Variants in FHIT observed in about 807,000 individuals in gnomAD.
The protein encoded by FHIT is bis(5'-adenosyl)-triphosphatase.
In FHIT, 19 loss-of-function variants were observed where a neutral mutation model predicts 17.9. The observed-to-expected ratio is 1.06, with a 90% CI of 0.74 to 1.56. FHIT has a LOEUF of 1.56. Ranked by LOEUF, FHIT falls within the 40% of genes most tolerant of loss-of-function variation. The probability of loss-of-function intolerance (pLI) is 0.00; values close to 1 mark genes in which losing one functional copy is unlikely to be tolerated. For synonymous variants in FHIT, 81 were observed against 69.7 expected (o/e 1.16, Z -0.81); for missense variants, 248 against 189.2 (o/e 1.31, Z -1.82).
In FHIT at chr3:60,333,597, T is replaced by G. The variant is rs1015000759; in HGVS notation, c.103+203263A>C. Reference sequence around the variant, plus strand: ...TATAATTAAGAAAAAAACATAATATTGCATGTCATATATATACTTACTTTC... The same window carrying G: ...TATAATTAAGAAAAAAACATAATATGGCATGTCATATATATACTTACTTTC... On this transcript the variant is annotated intron_variant, in intron 5 of 9. Transcript: ENST00000492590. Among the ~76,000 whole-genome samples the G allele has an allele frequency of 1.1e-4, 16 of 152,298 alleles. No individual in the cohort carries two copies. In the East Asian group the frequency reaches 1.2e-3, roughly 11 times the overall value.
chr3:60,632,531 G>A (rs2039473221), intron 4 of FHIT, among the ~76,000 whole-genome samples: 1 of 152,162 alleles, frequency 6.6e-6, no homozygotes, highest in African/African-American at 2.4e-5. Context: ...ACGTAAAGAG[G>A]TGACAAAGGC....
At chr3:60,415,925 T>C (rs905569412) in intron 5 of FHIT, among the ~76,000 whole-genome samples, 3 of 148,210 alleles carry the variant, frequency 2.0e-5, no homozygotes, top group Non-Finnish European at 3.0e-5. Flanking sequence ...ACATATTAAT[T>C]CCATTAATTA....
intron 4 of FHIT, among the ~76,000 whole-genome samples, chr3:60,658,777 A>G (rs528673071): frequency 6.2e-4 from 95 of 152,206 alleles, no homozygotes; most frequent in Non-Finnish European, 1.0e-4. Flanking sequence ...TAGAAAAAAA[A>G]TGGAGTTAAC....
At chr3:61,106,355 A>G (rs1191063589) in intron 2 of FHIT, among the ~76,000 whole-genome samples, 4 of 152,140 alleles carry the variant, frequency 2.6e-5, no homozygotes, top group East Asian at 1.9e-4. Flanking sequence ...CAAGTGTACA[A>G]TGCATTATTA....
chr3:60,517,215 TATTTC>T (rs1212380054), intron 5 of FHIT, among the ~76,000 whole-genome samples: 2 of 152,228 alleles, frequency 1.3e-5, no homozygotes, highest in African/African-American at 4.8e-5. Context: ...AATTTTTATC[TATTTC>T]ATTTTTAAAA....
chr3:60,662,662 G>C (rs1318566747), intron 4 of FHIT, among the ~76,000 whole-genome samples: 1 of 152,012 alleles, frequency 6.6e-6, no homozygotes, highest in South Asian at 2.1e-4. Flanking sequence ...TCACAATATT[G>C]ATTCTATCCA....
At chr3:60,417,712 CCTGA>C (rs1256392988) in intron 5 of FHIT, among the ~76,000 whole-genome samples, 3 of 152,132 alleles carry the variant, frequency 2.0e-5, no homozygotes, top group African/African-American at 7.2e-5. Context: ...TCAGCATTAG[CCTGA>C]CTAACCAGAT....
At chr3:60,149,786 C>G (rs558052968) in intron 5 of FHIT, among the ~76,000 whole-genome samples, 12 of 151,432 alleles carry the variant, frequency 7.9e-5, no homozygotes, top group Non-Finnish European at 1.3e-4. Context: ...CCCCTACCCC[C>G]CTACCCCCCT....
chr3:60,223,422 C>A (rs1261101472), intron 5 of FHIT, among the ~76,000 whole-genome samples: 1 of 152,154 alleles, frequency 6.6e-6, no homozygotes, highest in South Asian at 2.1e-4. Context: ...CTTTGCAACA[C>A]GTAAGCGATC....
intron 5 of FHIT, among the ~76,000 whole-genome samples, chr3:60,429,301 A>T (rs1293029729): frequency 6.6e-6 from 1 of 152,114 alleles, no homozygotes; most frequent in Admixed American, 6.6e-5. Context: ...GAAATAAAAA[A>T]AAGTCCTAGA....
At chr3:60,417,470 T>A (rs1227458559) in intron 5 of FHIT, among the ~76,000 whole-genome samples, 1 of 152,158 alleles carries the variant, frequency 6.6e-6, no homozygotes, top group Non-Finnish European at 1.5e-5. Context: ...TGTTTGGATT[T>A]GTCTTTCAAC....
intron 7 of FHIT, among the ~76,000 whole-genome samples, chr3:59,986,892 T>C (rs1480193758): frequency 1.0e-4 from 12 of 117,914 alleles, no homozygotes; most frequent in African/African-American, 3.6e-4. Context: ...TATATATTCA[T>C]ATATTTTATA....
At chr3:60,369,002 T>C (rs957303348) in intron 5 of FHIT, among the ~76,000 whole-genome samples, 1 of 152,010 alleles carries the variant, frequency 6.6e-6, no homozygotes, top group Non-Finnish European at 1.5e-5. Flanking sequence ...CTGAGACCGC[T>C]CACTCTGTCA....
At chr3:60,035,108 C>CG (rs1377992928) in intron 5 of FHIT, among the ~76,000 whole-genome samples, 3 of 152,144 alleles carry the variant, frequency 2.0e-5, no homozygotes, top group African/African-American at 7.2e-5. Flanking sequence ...CTGCTTATGA[C>CG]GGGGAGAGTC....
intron 7 of FHIT, among the ~76,000 whole-genome samples, chr3:59,935,715 G>A (rs1226623109): frequency 6.6e-6 from 1 of 151,694 alleles, no homozygotes; most frequent in African/African-American, 2.4e-5. Context: ...GAGTGGGTGG[G>A]TGGATGGGTG....
intron 3 of FHIT, among the ~76,000 whole-genome samples, chr3:60,858,840 T>A (rs1703492854): frequency 6.6e-6 from 1 of 152,156 alleles, no homozygotes; most frequent in Non-Finnish European, 1.5e-5. Flanking sequence ...TAGCAATCCC[T>A]CTGGACTACA....
At chr3:60,309,540 A>T (rs765782456) in intron 5 of FHIT, among the ~76,000 whole-genome samples, 3 of 152,138 alleles carry the variant, frequency 2.0e-5, no homozygotes, top group African/African-American at 4.8e-5. Flanking sequence ...GTGACAGAGG[A>T]CTTTTTACCT....
intron 5 of FHIT, among the ~76,000 whole-genome samples, chr3:60,038,139 C>G (rs140948202): frequency 2.6e-5 from 4 of 152,064 alleles, no homozygotes; most frequent in African/African-American, 4.8e-5. Flanking sequence ...GGTTTTCAAG[C>G]TATATTTTAA....
intron 4 of FHIT, among the ~76,000 whole-genome samples, chr3:60,759,197 GTAGAACAGTGA>G (rs1553719072): frequency 6.6e-6 from 1 of 152,142 alleles, no homozygotes; most frequent in African/African-American, 2.4e-5. Context: ...ATGGTTTTGA[GTAGAACAGTGA>G]TAGGAATTGA....
Sources: allele counts gnomAD v4.1 joint callset (sites outside exome capture counted in the v4.1 genomes callset), GRCh38; gene constraint gnomAD v4.1.1; transcripts MANE v1.5; gene names NCBI Gene and HGNC (gene_info 2026-07-23, HGNC 2026-07-21).